Variants in HMMR observed in about 807,000 individuals in gnomAD.
HMMR encodes intracellular hyaluronic acid-binding protein.
HMMR carries 108 observed loss-of-function variants against 101.0 expected under a neutral mutation model. The observed-to-expected ratio is 1.07, with a 90% CI of 0.92 to 1.25. The LOEUF (loss-of-function observed/expected upper bound fraction) is 1.25, where lower values mean the gene tolerates loss of function less well. Ranked by LOEUF, HMMR falls within the 50% of genes most tolerant of loss-of-function variation. The pLI, the probability that HMMR is intolerant of heterozygous loss-of-function variation, is 0.00. For synonymous variants in HMMR, 296 were observed against 276.4 expected (o/e 1.07, Z -0.70); for missense variants, 813 against 788.7 (o/e 1.03, Z -0.37).
At chr5:163,490,666 A>G (rs1313789229) in intron 17 of HMMR, 114 bp downstream of exon 17, 2 of 771,592 alleles carry the variant, frequency 2.6e-6, no homozygotes, top group Non-Finnish European at 4.4e-6. Context: ...CTTCTGATAA[A>G]AGCAGTTCTT....
chr5:163,464,031 G>C (rs1415920216), intron 2 of HMMR, 77 bp downstream of exon 2: 1 of 473,858 alleles, frequency 2.1e-6, no homozygotes, highest in African/African-American at 2.0e-5. Flanking sequence ...ATTTAAAGAT[G>C]TTATAGCATT....
Position 163,471,450 on chromosome 5 carries a change from C to A in HMMR, c.637C>A (p.Leu213Met). The change falls in exon 7 of 18, where the codon CTG (leucine) becomes ATG (methionine). Residue 213 changes from leucine (L) to methionine (M), a missense_variant. Physicochemically the swap from Leu to Met is conservative, Grantham distance 15. Coordinates refer to ENST00000393915, the MANE Select transcript of HMMR (RefSeq NM_001142556.2). Reference protein sequence around the residue: ...LEESQGKIAQLEGKLVSIEKE... With the variant: ...LEESQGKIAQMEGKLVSIEKE... ...AGAGTCTCAAGGGAAAATAGCCCAA[C>A]TGGAGGGAAAACTGTAAGTGAGTGA... 1 of 1,609,986 alleles carries A rather than the reference C, an allele frequency of 6.2e-7. No homozygotes were observed.
chr5:163,463,800 A>T, intron 1 of HMMR, 56 bp from the exon 2 acceptor site: 1 of 668,470 alleles, frequency 1.5e-6, no homozygotes, highest in Non-Finnish European at 2.3e-6. Context: ...GACATGTTTT[A>T]ACTTAAGATC....
intron 11 of HMMR, among the ~76,000 whole-genome samples, chr5:163,477,824 T>A (rs1759118474): frequency 6.6e-6 from 1 of 152,136 alleles, no homozygotes; most frequent in South Asian, 2.1e-4. Flanking sequence ...AAAAACAAAC[T>A]AAGAATTGAA....
Position 163,460,741 on chromosome 5 carries a change from G to A in HMMR, c.46+3G>A. ...GAAACGATTCAATGACCCTTCTGGT[G>A]CGTAAGGGGGAAAGAGCTGGGGGAC... On this transcript the variant is annotated splice_donor_region_variant and intron_variant, in intron 1 of 17. Coordinates refer to ENST00000393915, the MANE Select transcript of HMMR (RefSeq NM_001142556.2). 1.2e-6 allele frequency: 2 copies of A among 1,606,702 alleles called. No individual in the cohort carries two copies. Among genetic ancestry groups the A allele is most frequent in the Non-Finnish European group, 1.7e-6 (2 of 1,176,414 alleles).
rs1218044227 is a variant in HMMR at position 163,475,611 on chromosome 5, T to C, written c.1207T>C (p.Leu403=). The C allele has an allele frequency of 6.2e-7, 1 of 1,613,230 alleles. No individual in the cohort carries two copies. The highest frequency in any genetic ancestry group is 1.1e-5 in the South Asian group (1 of 91,038). Residue 403 remains leucine, a synonymous_variant, in exon 11 of 18, where the codon TTG becomes CTG. Coordinates refer to ENST00000393915, the MANE Select transcript of HMMR (RefSeq NM_001142556.2). ...EEQAERLVKQ[L]EEEAKSRAEE... ...ACAAGCTGAAAGGCTGGTCAAGCAA[T>C]TGGAAGAGGAAGCAAAATCTAGAGC...
At chr5:163,475,371 C>G in intron 10 of HMMR, 87 bp from the exon 11 acceptor site, 1 of 646,558 alleles carries the variant, frequency 1.5e-6, no homozygotes, top group Non-Finnish European at 2.6e-6. Flanking sequence ...AGGTTTCATC[C>G]TTCTTTATCT....
At chr5:163,486,465 A>G (rs1759479195) in intron 16 of HMMR, among the ~76,000 whole-genome samples, 1 of 152,112 alleles carries the variant, frequency 6.6e-6, no homozygotes, top group Non-Finnish European at 1.5e-5. Flanking sequence ...ATTTTAATAT[A>G]TTTATCTTGT....
rs751137230 is a variant in HMMR, at chr5:163,483,180, A to G, written c.1685+8A>G. On this transcript the variant is annotated splice_region_variant and intron_variant, in intron 14 of 17. Transcript: ENST00000393915. ...GGAAGATGAAGAAGGAAGGTAATCT[A>G]TGATTAGAACCTGAGTGCCTTGTTA... 2.5e-6 allele frequency: 4 copies of G among 1,609,360 alleles called. No individual in the cohort carries two copies. Among genetic ancestry groups the G allele is most frequent in the Non-Finnish European group, 3.4e-6 (4 of 1,178,144 alleles).
chr5:163,490,568 A>T lies in HMMR; in HGVS notation c.2125+16A>T, dbSNP rs1194551156. ...TTAAAAGAAGGTAAGACATGAATAA[A>T]TGTATAAAAGTGTCCTCTTCCTTTG... On this transcript the variant is annotated intron_variant, in intron 17 of 17. Transcript: ENST00000393915. The T allele has an allele frequency of 2.6e-6, 4 of 1,562,040 alleles. No individual in the cohort carries two copies. The African/African-American group carries it at 5.5e-5, about 22-fold the overall frequency.
At chr5:163,480,388 G>A (rs1759215844) in intron 12 of HMMR, among the ~76,000 whole-genome samples, 1 of 152,080 alleles carries the variant, frequency 6.6e-6, no homozygotes, top group African/African-American at 2.4e-5. Flanking sequence ...ATTGAATTGT[G>A]TTGTCTGAGG....
intron 4 of HMMR, 86 bp downstream of exon 4, chr5:163,467,834 G>T: frequency 1.2e-6 from 1 of 847,758 alleles, no homozygotes; most frequent in Admixed American, 2.1e-5. Flanking sequence ...CTGTTGCAGT[G>T]TGAGGAGTCC....
At chr5:163,473,994 C>T in intron 9 of HMMR, 63 bp from the exon 10 acceptor site, 1 of 1,322,042 alleles carries the variant, frequency 7.6e-7, no homozygotes, top group Non-Finnish European at 1.1e-6. Flanking sequence ...TATGGGAGTC[C>T]AGGTTTCTCA....
intron 2 of HMMR, among the ~76,000 whole-genome samples, chr5:163,464,483 G>A (rs1758637744): frequency 6.6e-6 from 1 of 152,098 alleles, no homozygotes. Context: ...AGGTGTGGTG[G>A]GGTGCGCCTG....
At chr5:163,482,077 G>C (rs983056801) in intron 12 of HMMR, among the ~76,000 whole-genome samples, 48 of 152,046 alleles carry the variant, frequency 3.2e-4, no homozygotes, top group African/African-American at 1.2e-3. Flanking sequence ...CACCACGCTT[G>C]GCTAATTTTT....
chr5:163,469,827 A>G lies in HMMR; in HGVS notation c.460A>G (p.Lys154Glu), dbSNP rs756257106. The G allele has an allele frequency of 1.3e-6, 2 of 1,570,220 alleles. No homozygotes were observed. The highest frequency in any genetic ancestry group is 2.2e-5 in the East Asian group (1 of 44,618). The change falls in exon 5 of 18, where the codon AAG (lysine) becomes GAG (glutamate). Residue 154 changes from lysine to glutamate, a missense_variant and splice_region_variant. Lys to Glu is a moderately conservative substitution (Grantham distance 56). Transcript: ENST00000393915. ...LTRTNELLKS[K>E]FSENGNQKNL... ...CAGGACTAATGAACTACTAAAATCT[A>G]AGGTATCTGAGCCTCATGATAATAT...
intron 5 of HMMR, among the ~76,000 whole-genome samples, chr5:163,470,871 GTA>G (rs1334553588): frequency 6.6e-6 from 1 of 152,028 alleles, no homozygotes; most frequent in Non-Finnish European, 1.5e-5. Flanking sequence ...GTGCACACCG[GTA>G]ATCCCAGCTA....
At position 163,483,050 on chromosome 5, in the gene HMMR, A is replaced by C. The variant is rs533168785; in HGVS notation, c.1563A>C (p.Ala521=). 9.9e-6 allele frequency: 16 copies of C among 1,612,082 alleles called. No homozygotes were observed. In the East Asian group the frequency reaches 3.6e-4, roughly 36 times the overall value. The change falls in exon 14 of 18, where the codon GCA becomes GCC. Residue 521 remains alanine (A), a synonymous_variant. Transcript: ENST00000393915. ...TTCTAGATCTGCAGACCAAGTCAGC[A>C]CTAAAGGAAACAGAAATTAAAGAAA... ...RMLLDLQTKS[A]LKETEIKEIT...
chr5:163,465,551 CAGGCT>C (rs113903081), intron 3 of HMMR, among the ~76,000 whole-genome samples: 151,864 of 152,192 alleles, frequency 1, 75,772 homozygotes, highest in Non-Finnish European at 1. Flanking sequence ...GCCAGTTGGG[CAGGCT>C]AGGCTGGTCT....
Sources: gnomAD v4.1 joint callset for allele counts (sites outside exome capture counted in the v4.1 genomes callset) on GRCh38, gnomAD v4.1.1 for gene constraint, MANE v1.5 for transcripts, NCBI Gene and HGNC (gene_info 2026-07-23, HGNC 2026-07-21) for gene names.